PLD5: variants seen among roughly 807,000 people sequenced by gnomAD.
PLD5 encodes the protein phospholipase D family member 5.
In PLD5, 36 loss-of-function variants were observed where a neutral mutation model predicts 61.1. The observed-to-expected ratio is 0.59, with a 90% CI of 0.45 to 0.78. PLD5 has a LOEUF of 0.78. PLD5 is among the 30% of genes least tolerant of loss of function. The pLI is 0.00. For synonymous variants in PLD5, 243 were observed against 242.8 expected (o/e 1.00, Z -0.01); for missense variants, 515 against 644.4 (o/e 0.80, Z 2.17).
intron 4 of PLD5, among the ~76,000 whole-genome samples, chr1:242,237,477 G>T (rs2149051119): frequency 6.6e-6 from 1 of 152,274 alleles, no homozygotes; most frequent in South Asian, 2.1e-4. Context: ...ACAGCATGAG[G>T]TAGAGCTTTC....
Position 242,348,202 on chromosome 1 carries a change from C to A in PLD5, c.230G>T (p.Cys77Phe). 1 of 1,613,018 alleles carries A rather than the reference C, an allele frequency of 6.2e-7. No homozygotes were observed. ...GATCAGTGCAACCAGAATGGCAAAG[C>A]AGCACACCAGGGCAAAGATCACGAT... ...KCIVIFALVC[C>F]FAILVALIFS... The change falls in exon 2 of 10, where the codon TGC (cysteine) becomes TTC (phenylalanine). Residue 77 changes from cysteine to phenylalanine, a missense_variant. This residue lies in a region of PLD5 where 450 missense variants were observed against 598.1 expected (regional missense o/e 0.75). Transcript: ENST00000536534.
At chr1:242,393,488 GTATATATATGTGTATATATGAGTA>G (rs1558523858) in intron 1 of PLD5, among the ~76,000 whole-genome samples, 280 of 21,670 alleles carry the variant, frequency 0.013, 46 homozygotes, top group East Asian at 0.081. Context: ...GTATATATGA[GTATATATATGTGTATATATGAGTA>G]TATATATATG....
chr1:242,186,461 G>C (rs1180385880), intron 5 of PLD5, among the ~76,000 whole-genome samples: 1 of 152,100 alleles, frequency 6.6e-6, no homozygotes, highest in Non-Finnish European at 1.5e-5. Context: ...GGGATTATAG[G>C]CATGAGCCAC....
At chr1:242,120,716 A>AC (rs989816308) in intron 6 of PLD5, among the ~76,000 whole-genome samples, 1 of 152,202 alleles carries the variant, frequency 6.6e-6, no homozygotes, top group Non-Finnish European at 1.5e-5. Context: ...CAGACCTTGA[A>AC]CTAGTCTTTT....
chr1:242,232,840 CTAAAA>C (rs1173889234), intron 4 of PLD5, among the ~76,000 whole-genome samples: 3 of 151,926 alleles, frequency 2.0e-5, no homozygotes, highest in Admixed American at 6.6e-5. Flanking sequence ...GAGACTCCAT[CTAAAA>C]TAAAATAAAC....
chr1:242,352,840 T>C (rs1660552504), intron 1 of PLD5, among the ~76,000 whole-genome samples: 1 of 152,204 alleles, frequency 6.6e-6, no homozygotes, highest in Non-Finnish European at 1.5e-5. Flanking sequence ...TTTGTATGTC[T>C]TTAAAGAAAT....
At chr1:242,130,672 C>A (rs182578700) in intron 5 of PLD5, among the ~76,000 whole-genome samples, 2 of 152,200 alleles carry the variant, frequency 1.3e-5, no homozygotes, top group African/African-American at 4.8e-5. Context: ...CTCTGCCTGG[C>A]GATAGGTTGC....
intron 5 of PLD5, among the ~76,000 whole-genome samples, chr1:242,131,943 T>C (rs1477320911): frequency 1.3e-5 from 2 of 150,076 alleles, no homozygotes; most frequent in Non-Finnish European, 3.0e-5. Context: ...CAAGCAATTC[T>C]CCTGCCTCAG....
At chr1:242,313,754 C>G (rs1390113236) in intron 2 of PLD5, among the ~76,000 whole-genome samples, 1 of 152,086 alleles carries the variant, frequency 6.6e-6, no homozygotes, top group Non-Finnish European at 1.5e-5. Flanking sequence ...TTTTGATGAA[C>G]AAATACAATG....
intron 1 of PLD5, among the ~76,000 whole-genome samples, chr1:242,362,356 G>C (rs532231751): frequency 2.5e-4 from 38 of 152,190 alleles, no homozygotes; most frequent in South Asian, 6.2e-4. Flanking sequence ...CTGTTTTATA[G>C]ATGCAGACTT....
chr1:242,229,802 A>G (rs1463784260), intron 4 of PLD5, among the ~76,000 whole-genome samples: 1 of 151,916 alleles, frequency 6.6e-6, no homozygotes, highest in Non-Finnish European at 1.5e-5. Context: ...TTTTTCCTAG[A>G]ATATCATTGC....
rs541136424 is a variant in PLD5, at chr1:242,485,055, T to C, written c.189+39033A>G. ...CAATAAATTAGGTATTGATGGGATG[T>C]ATCTCAAAATAATAAGAGCTATTTA... On this transcript the variant is annotated intron_variant, in intron 1 of 9. Transcript: ENST00000536534. Among the ~76,000 whole-genome samples the C allele has an allele frequency of 2.0e-5, 3 of 152,224 alleles. No individual in the cohort carries two copies. In the South Asian group the frequency reaches 6.2e-4, roughly 32 times the overall value.
chr1:242,478,901 T>A (rs896176859), intron 1 of PLD5, among the ~76,000 whole-genome samples: 6 of 152,220 alleles, frequency 3.9e-5, no homozygotes, highest in African/African-American at 1.4e-4. Flanking sequence ...TAATAAAGAA[T>A]TGAATAGATT....
chr1:242,522,050 T>C (rs974531038), intron 1 of PLD5, among the ~76,000 whole-genome samples: 2 of 152,202 alleles, frequency 1.3e-5, no homozygotes, highest in African/African-American at 4.8e-5. Flanking sequence ...TTCGTGATGT[T>C]TCAAAGGAGC....
intron 1 of PLD5, among the ~76,000 whole-genome samples, chr1:242,464,434 G>A (rs1306464644): frequency 1.3e-5 from 2 of 152,110 alleles, no homozygotes; most frequent in Non-Finnish European, 2.9e-5. Flanking sequence ...CTCAGTTACG[G>A]CAATTCTATT....
At chr1:242,207,766 A>ATT (rs1669426514) in intron 5 of PLD5, among the ~76,000 whole-genome samples, 1 of 93,602 alleles carries the variant, frequency 1.1e-5, no homozygotes, top group African/African-American at 5.8e-5. Flanking sequence ...ATTTATATTT[A>ATT]TATATATTTA....
chr1:242,140,921 T>A (rs1314426011), intron 5 of PLD5, among the ~76,000 whole-genome samples: 1 of 152,138 alleles, frequency 6.6e-6, no homozygotes, highest in African/African-American at 2.4e-5. Context: ...TCTTTTCCTG[T>A]CATCTTCTTT....
At chr1:242,527,385 C>T (rs907849656), upstream of PLD5, among the ~76,000 whole-genome samples, 6 of 152,228 alleles carry the variant, frequency 3.9e-5, no homozygotes, top group African/African-American at 1.2e-4. Context: ...ACCTGCCCGC[C>T]TCGGCCTCCC....
intron 1 of PLD5, among the ~76,000 whole-genome samples, chr1:242,405,450 G>A (rs752756369): frequency 3.3e-5 from 5 of 152,106 alleles, no homozygotes; most frequent in Non-Finnish European, 7.4e-5. Context: ...AAGCTCATTT[G>A]GCTCAAAATG....
Sources: gnomAD v4.1 joint callset for allele counts (sites outside exome capture counted in the v4.1 genomes callset) on GRCh38, gnomAD v4.1.1 for gene constraint, gnomAD v4.1.1 regional missense constraint, MANE v1.5 for transcripts, NCBI Gene and HGNC (gene_info 2026-07-23, HGNC 2026-07-21) for gene names.